UBE2E2: variants seen among roughly 807,000 people sequenced by gnomAD.
UBE2E2 encodes the protein ubiquitin conjugating enzyme E2 E2, also known as ubiquitin-conjugating enzyme E2 E2.
Under a neutral mutation model 24.7 loss-of-function variants are expected in UBE2E2, and 6 were observed. The ratio of observed to expected loss-of-function variants is 0.24; its 90% CI spans 0.13 to 0.48. The LOEUF is 0.48. Among genes scored for constraint, UBE2E2 ranks in the 20% least tolerant of loss-of-function variants. The pLI is 0.99. For missense variants in UBE2E2, 169 were observed against 245.0 expected, an observed-to-expected ratio of 0.69 and a Z score of 2.07; for synonymous variants, 104 against 83.6, an observed-to-expected ratio of 1.24 and a Z score of -1.33.
intron 5 of UBE2E2, among the ~76,000 whole-genome samples, chr3:23,579,555 C>G (rs1437781956): frequency 6.6e-6 from 1 of 151,614 alleles, no homozygotes; most frequent in East Asian, 1.9e-4. Flanking sequence ...TAAAAGTTAG[C>G]CAGGCATGAC....
At chr3:23,384,456 G>T (rs371376318) in intron 3 of UBE2E2, among the ~76,000 whole-genome samples, 1 of 151,032 alleles carries the variant, frequency 6.6e-6, no homozygotes, top group East Asian at 2.0e-4. Flanking sequence ...GAGCCACTGC[G>T]CCTGACCTTG....
At chr3:23,303,587 T>C (rs976801372) in intron 3 of UBE2E2, among the ~76,000 whole-genome samples, 1 of 152,316 alleles carries the variant, frequency 6.6e-6, no homozygotes, top group Non-Finnish European at 1.5e-5. Flanking sequence ...TGAGAAACAT[T>C]ACTCTTAGGT....
chr3:23,397,960 C>T (rs1321003354), intron 3 of UBE2E2, among the ~76,000 whole-genome samples: 1 of 151,974 alleles, frequency 6.6e-6, no homozygotes, highest in East Asian at 1.9e-4. Context: ...CATTTTTCTC[C>T]TCGGTCTGTT....
Position 23,242,370 on chromosome 3 carries a change from T to A in UBE2E2, c.227+25058T>A, listed in dbSNP as rs1419914985. Among the ~76,000 whole-genome samples the A allele has an allele frequency of 1.7e-4, 25 of 148,572 alleles. No individual in the cohort carries two copies. The East Asian group carries it at 5.0e-3, about 30-fold the overall frequency. ...GTGTGAGTCACATCCTTTTATCTTG[T>A]TTGTTTTTTTTCCCCGCCCCCCGCC... On this transcript the variant is annotated intron_variant, in intron 3 of 5. Coordinates refer to ENST00000396703, the MANE Select transcript of UBE2E2 (RefSeq NM_152653.4).
At chr3:23,404,068 G>C (rs965057514) in intron 3 of UBE2E2, among the ~76,000 whole-genome samples, 1 of 152,126 alleles carries the variant, frequency 6.6e-6, no homozygotes, top group African/African-American at 2.4e-5. Context: ...TCCTGAAACA[G>C]AACTTGTTGA....
chr3:23,529,164 C>T (rs1575687670), intron 4 of UBE2E2, among the ~76,000 whole-genome samples: 1 of 152,154 alleles, frequency 6.6e-6, no homozygotes, highest in East Asian at 1.9e-4. Flanking sequence ...GCAACTATGG[C>T]TATCGCAGGG....
intron 3 of UBE2E2, among the ~76,000 whole-genome samples, chr3:23,359,257 C>G (rs1696048638): frequency 6.6e-6 from 1 of 152,098 alleles, no homozygotes; most frequent in South Asian, 2.1e-4. Context: ...AGTGCTGGTC[C>G]TGTCATCTTT....
chr3:23,338,458 T>A (rs1362892512), intron 3 of UBE2E2, among the ~76,000 whole-genome samples: 1 of 152,182 alleles, frequency 6.6e-6, no homozygotes, highest in Admixed American at 6.5e-5. Context: ...ATGTATGCCT[T>A]ATATATTTCT....
chr3:23,484,602 T>G (rs1019306746), intron 3 of UBE2E2, among the ~76,000 whole-genome samples: 1 of 152,198 alleles, frequency 6.6e-6, no homozygotes, highest in Non-Finnish European at 1.5e-5. Flanking sequence ...TGAGCACTGA[T>G]GCAAGATGTG....
At chr3:23,371,175 G>T (rs1308782776) in intron 3 of UBE2E2, among the ~76,000 whole-genome samples, 1 of 152,000 alleles carries the variant, frequency 6.6e-6, no homozygotes, top group Non-Finnish European at 1.5e-5. Context: ...GAGTACAGCT[G>T]CATGCCACCG....
chr3:23,562,538 G>A (rs897889605), intron 5 of UBE2E2, among the ~76,000 whole-genome samples: 21 of 151,934 alleles, frequency 1.4e-4, no homozygotes, highest in African/African-American at 5.1e-4. Context: ...CTCTTTTTTG[G>A]TTGTATCTCT....
At chr3:23,534,577 TAA>T (rs1304873536) in intron 5 of UBE2E2, among the ~76,000 whole-genome samples, 1 of 152,186 alleles carries the variant, frequency 6.6e-6, no homozygotes, top group African/African-American at 2.4e-5. Context: ...CACATAAAAA[TAA>T]AGTTTCCTAA....
chr3:23,302,260 G>A (rs1396377611), intron 3 of UBE2E2, among the ~76,000 whole-genome samples: 1 of 152,106 alleles, frequency 6.6e-6, no homozygotes, highest in African/African-American at 2.4e-5. Flanking sequence ...TGCAAAGTAT[G>A]TTTCTTTTTC....
chr3:23,268,242 A>G (rs1369622538), intron 3 of UBE2E2, among the ~76,000 whole-genome samples: 74 of 148,474 alleles, frequency 5.0e-4, no homozygotes, highest in African/African-American at 1.7e-3. Context: ...AGGGTATTCA[A>G]TTAGGAAAAG....
intron 3 of UBE2E2, among the ~76,000 whole-genome samples, chr3:23,460,807 A>G (rs1392317001): frequency 6.6e-6 from 1 of 152,138 alleles, no homozygotes; most frequent in Non-Finnish European, 1.5e-5. Flanking sequence ...ACAAAATTAA[A>G]TGTTTTATCA....
At chr3:23,263,150 CTG>C (rs1188338297) in intron 3 of UBE2E2, among the ~76,000 whole-genome samples, 5 of 152,182 alleles carry the variant, frequency 3.3e-5, no homozygotes, top group African/African-American at 1.2e-4. Context: ...CATATTAACT[CTG>C]TACTTAACAC....
At chr3:23,455,405 T>C (rs1698656553) in intron 3 of UBE2E2, among the ~76,000 whole-genome samples, 1 of 152,204 alleles carries the variant, frequency 6.6e-6, no homozygotes, top group Non-Finnish European at 1.5e-5. Context: ...AAGAGGACAA[T>C]GCATATACCT....
intron 3 of UBE2E2, among the ~76,000 whole-genome samples, chr3:23,348,049 C>G (rs928925013): frequency 1.3e-5 from 2 of 151,906 alleles, no homozygotes; most frequent in African/African-American, 2.4e-5. Context: ...AACACTGAAG[C>G]CTATTCAAAA....
At chr3:23,560,233 C>T (rs1695890226) in intron 5 of UBE2E2, among the ~76,000 whole-genome samples, 1 of 117,040 alleles carries the variant, frequency 8.5e-6, no homozygotes, top group South Asian at 3.4e-4. Context: ...CACCCCACAA[C>T]AGGCCCCGGT....
Sources: allele counts gnomAD v4.1 joint callset (sites outside exome capture counted in the v4.1 genomes callset), GRCh38; gene constraint gnomAD v4.1.1; transcripts MANE v1.5; gene names NCBI Gene and HGNC (gene_info 2026-07-23, HGNC 2026-07-21).